SHOC1: variants seen among roughly 807,000 people sequenced by gnomAD.
The protein encoded by SHOC1 is shortage in chiasmata 1, also known as protein shortage in chiasmata 1 ortholog.
In SHOC1, 136 loss-of-function variants were observed where a neutral mutation model predicts 179.2. The observed-to-expected ratio is 0.76, with a 90% confidence interval of 0.66 to 0.87. SHOC1 has a LOEUF of 0.87. SHOC1 is among the 40% of genes least tolerant of loss of function. The pLI is 0.00. For missense variants in SHOC1, 1,538 were observed against 1,700.8 expected, an observed-to-expected ratio of 0.90 and a Z score of 1.68; for synonymous variants, 489 against 586.6, an observed-to-expected ratio of 0.83 and a Z score of 2.41.
At chr9:111,775,542 A>G (rs1342041945) in intron 5 of SHOC1, among the ~76,000 whole-genome samples, 1 of 152,184 alleles carries the variant, frequency 6.6e-6, no homozygotes, top group East Asian at 1.9e-4. Flanking sequence ...CAGTATGTTG[A>G]AGGCATACTA....
intron 24 of SHOC1, among the ~76,000 whole-genome samples, chr9:111,695,917 C>A (rs1831666795): frequency 6.6e-6 from 1 of 152,092 alleles, no homozygotes; most frequent in South Asian, 2.1e-4. Flanking sequence ...CGAGATATTT[C>A]GTGGCAAAGT....
At chr9:111,694,087 G>A (rs1185763794) in intron 25 of SHOC1, 139 bp from the exon 26 acceptor site, 6 of 1,065,530 alleles carry the variant, frequency 5.6e-6, no homozygotes, top group South Asian at 3.3e-5. Flanking sequence ...TATTCTACTC[G>A]TTGCAGCAGA....
chr9:111,770,382 C>T (rs1448595709), intron 5 of SHOC1, among the ~76,000 whole-genome samples: 2 of 152,038 alleles, frequency 1.3e-5, no homozygotes, highest in Non-Finnish European at 2.9e-5. Context: ...GTCAGAAAAG[C>T]TACTTGATAT....
chr9:111,780,982 A>G lies in SHOC1; in HGVS notation c.205T>C (p.Ser69Pro), dbSNP rs1370734569. Reference protein sequence around the residue: ...AVSVPGMTDTSVLDQWKASFF... With the variant: ...AVSVPGMTDTPVLDQWKASFF... ...CTTGCTTTCCATTGGTCCAAGACTG[A>G]GGTATCTGTCATTCCCGGAACTGAA... Residue 69 changes from serine (S) to proline (P), a missense_variant, in exon 4 of 28, where the codon TCA becomes CCA. Physicochemically the swap from Ser to Pro is moderately conservative, Grantham distance 74. Transcript: ENST00000682961. 2 of 1,613,572 alleles carry G rather than the reference A, an allele frequency of 1.2e-6. No individual in the cohort carries two copies. The highest frequency in any genetic ancestry group is 1.7e-6 in the Non-Finnish European group (2 of 1,179,670).
chr9:111,759,201 A>T, intron 5 of SHOC1: 4 of 1,613,730 alleles, frequency 2.5e-6, no homozygotes, highest in Non-Finnish European at 3.4e-6. Context: ...TTAAAGAAAT[A>T]GAAGTATTTG....
chr9:111,788,952 C>G (rs1424444346), intron 2 of SHOC1, among the ~76,000 whole-genome samples: 2 of 152,142 alleles, frequency 1.3e-5, no homozygotes, highest in Non-Finnish European at 2.9e-5. Context: ...TGGTCACTCG[C>G]TGGTTAACAC....
At chr9:111,690,682 T>C (rs1348867928) in intron 27 of SHOC1, among the ~76,000 whole-genome samples, 3 of 152,196 alleles carry the variant, frequency 2.0e-5, no homozygotes, top group African/African-American at 7.2e-5. Context: ...TTTACAAAAC[T>C]AGACACAGAA....
At chr9:111,730,352 C>T (rs1833509273) in intron 12 of SHOC1, among the ~76,000 whole-genome samples, 1 of 152,178 alleles carries the variant, frequency 6.6e-6, no homozygotes, top group Admixed American at 6.5e-5. Flanking sequence ...CTAGATCCAT[C>T]AGAGGAATCA....
chr9:111,704,081 A>G, intron 21 of SHOC1, 89 bp from the exon 22 acceptor site: 1 of 600,712 alleles, frequency 1.7e-6, no homozygotes, highest in South Asian at 2.4e-5. Context: ...ATGTTAAGTT[A>G]TTTGGATTTC....
intron 5 of SHOC1, 33 bp downstream of exon 5, chr9:111,775,758 A>C (rs774172177): frequency 1.9e-6 from 3 of 1,554,578 alleles, no homozygotes; most frequent in South Asian, 2.4e-5. Context: ...TCAGTAAGAA[A>C]TGTTTTACAA....
chr9:111,707,672 T>C (rs989604823), intron 19 of SHOC1, among the ~76,000 whole-genome samples, 183 bp downstream of exon 19: 3 of 152,126 alleles, frequency 2.0e-5, no homozygotes, highest in Non-Finnish European at 4.4e-5. Flanking sequence ...GCCAATAACA[T>C]ATAATACACA....
In SHOC1 at chr9:111,775,812, C is replaced by T; in HGVS notation, c.421G>A (p.Ala141Thr). Reference sequence around the variant, plus strand: ...TTACCTTGGTTCTGGTTTTGAAGTGCTGAACATTTTTCTAAACAACTGACA... The same window carrying T: ...TTACCTTGGTTCTGGTTTTGAAGTGTTGAACATTTTTCTAAACAACTGACA... The part of the protein sequence containing the change: ...TPVSCLEKCS[A>T]LQNQNQDLFI... The change falls in exon 5 of 28, where the codon GCA (alanine) becomes ACA (threonine). Residue 141 changes from alanine (A) to threonine (T), a missense_variant. Physicochemically the swap from Ala to Thr is moderately conservative, Grantham distance 58. Coordinates refer to ENST00000682961, the MANE Select transcript of SHOC1 (RefSeq NM_001378211.1). The T allele has an allele frequency of 6.2e-7, 1 of 1,607,414 alleles. No individual in the cohort carries two copies.
chr9:111,711,158 G>A (rs565648803), intron 18 of SHOC1, among the ~76,000 whole-genome samples: 12 of 152,256 alleles, frequency 7.9e-5, no homozygotes, highest in African/African-American at 2.9e-4. Flanking sequence ...GAGAAAAGAG[G>A]AAAGGATAAA....
chr9:111,778,555 G>A (rs548848339), intron 4 of SHOC1, among the ~76,000 whole-genome samples: 329 of 152,236 alleles, frequency 2.2e-3, no homozygotes, highest in Non-Finnish European at 2.3e-3. Context: ...CATCACCTGA[G>A]ATCAGGAGTT....
intron 27 of SHOC1, among the ~76,000 whole-genome samples, chr9:111,689,348 A>AATT (rs59839154): frequency 0.41 from 60,611 of 146,278 alleles, 12,958 homozygotes; most frequent in East Asian, 0.59. Flanking sequence ...TAATAATAAT[A>AATT]ATTATTATTA....
Position 111,713,121 on chromosome 9 carries a change from T to G in SHOC1, c.2467A>C (p.Lys823Gln). The G allele has an allele frequency of 6.4e-7, 1 of 1,572,872 alleles. No individual in the cohort carries two copies. Among genetic ancestry groups the G allele is most frequent in the Middle Eastern group, 1.7e-4 (1 of 5,954 alleles). ...CTACCTTCTATTTTGTTAAGAATTT[T>G]AATGAGAAAATGTTTTTCACCGTCT... Reference protein sequence around the residue: ...DSDGEKHFLIKILNKIEGLTL... With the variant: ...DSDGEKHFLIQILNKIEGLTL... The change falls in exon 18 of 28, where the codon AAA becomes CAA. Residue 823 changes from lysine (K) to glutamine (Q), a missense_variant. Coordinates refer to ENST00000682961, the MANE Select transcript of SHOC1 (RefSeq NM_001378211.1).
intron 9 of SHOC1, among the ~76,000 whole-genome samples, chr9:111,747,271 G>C (rs1414073853): frequency 6.6e-6 from 1 of 152,038 alleles, no homozygotes; most frequent in African/African-American, 2.4e-5. Flanking sequence ...TTAAGTATCA[G>C]GGCTATCAAT....
At chr9:111,738,589 A>C in intron 11 of SHOC1, 67 bp from the exon 12 acceptor site, 2 of 1,357,436 alleles carry the variant, frequency 1.5e-6, no homozygotes, top group Non-Finnish European at 1.9e-6. Context: ...AAACACAATA[A>C]ACAGAACCAC....
intron 4 of SHOC1, among the ~76,000 whole-genome samples, chr9:111,780,353 T>C (rs1270774346): frequency 6.6e-6 from 1 of 152,234 alleles, no homozygotes; most frequent in East Asian, 1.9e-4. Flanking sequence ...CCAAAATCTC[T>C]ACTTTATGCC....
Sources: gnomAD v4.1 joint callset for allele counts (sites outside exome capture counted in the v4.1 genomes callset) on GRCh38, gnomAD v4.1.1 for gene constraint, MANE v1.5 for transcripts, NCBI Gene and HGNC (gene_info 2026-07-23, HGNC 2026-07-21) for gene names.